Variants in FRMD4A observed in about 807,000 individuals in gnomAD.
FRMD4A encodes FERM domain-containing protein 4A.
In FRMD4A, 29 loss-of-function variants were observed where a neutral mutation model predicts 129.1. That is an observed-to-expected ratio of 0.22 (90% CI 0.17 to 0.31). The LOEUF (loss-of-function observed/expected upper bound fraction) is 0.31. Ranked by LOEUF, FRMD4A falls within the 10% of genes least tolerant of loss-of-function variation. FRMD4A has a pLI of 1.00. For missense variants in FRMD4A, 1,272 were observed against 1,375.8 expected, an observed-to-expected ratio of 0.92 and a Z score of 1.19; for synonymous variants, 634 against 571.6, an observed-to-expected ratio of 1.11 and a Z score of -1.56.
At chr10:13,882,516 T>C (rs2094558845) in intron 2 of FRMD4A, among the ~76,000 whole-genome samples, 1 of 152,166 alleles carries the variant, frequency 6.6e-6, no homozygotes, top group Non-Finnish European at 1.5e-5. Flanking sequence ...AGCTCTGGAA[T>C]CCTACCCAGT....
chr10:13,891,863 G>A (rs2094702127), intron 2 of FRMD4A: 1 of 457,474 alleles, frequency 2.2e-6, no homozygotes, highest in South Asian at 9.2e-5. Flanking sequence ...AGTGAGCCCC[G>A]CCGCCGGCCC....
At chr10:13,703,511 G>A (rs1295441742) in intron 13 of FRMD4A, among the ~76,000 whole-genome samples, 1 of 152,110 alleles carries the variant, frequency 6.6e-6, no homozygotes, top group African/African-American at 2.4e-5. Context: ...CATTCCCATC[G>A]ATTACATCTT....
chr10:13,846,478 T>C (rs2094047693), intron 3 of FRMD4A, among the ~76,000 whole-genome samples: 3 of 152,216 alleles, frequency 2.0e-5, no homozygotes, highest in Admixed American at 2.0e-4. Context: ...ACCTTCTCCA[T>C]GTGCTGATAT....
Position 14,261,986 on chromosome 10 carries a change from A to ACACC in FRMD4A, c.45+68071_45+68072insGGTG, listed in dbSNP as rs1491315574. Among the ~76,000 whole-genome samples, 270 of 139,186 alleles carry ACACC rather than the reference A, an allele frequency of 1.9e-3. 1 individual carries two copies. Among genetic ancestry groups the ACACC allele is most frequent in the Non-Finnish European group, 2.7e-3 (169 of 63,702 alleles). The allele number at this position is 139,186 out of a possible 152,430, so 91.3% of individuals were successfully genotyped here. A position where few individuals can be genotyped will look rare whatever the true frequency, so the allele number is the denominator to read the frequency against. ...CACACACACACACACACACACACAC[A>ACACC]CCTCATTTTCCCTAGTTCCCCTCTC... On this transcript the variant is annotated intron_variant, in intron 2 of 24. Transcript: ENST00000357447.
At chr10:14,253,953 C>T (rs551528298) in intron 2 of FRMD4A, among the ~76,000 whole-genome samples, 1 of 152,292 alleles carries the variant, frequency 6.6e-6, no homozygotes, top group South Asian at 2.1e-4. Flanking sequence ...CCTTTCGACA[C>T]CTCCAGCTTG....
chr10:14,023,464 G>GTAA, intron 2 of FRMD4A, among the ~76,000 whole-genome samples: 1 of 152,340 alleles, frequency 6.6e-6, no homozygotes, highest in East Asian at 1.9e-4. Context: ...GCTGCGAGAC[G>GTAA]CAGACTGGCG....
intron 2 of FRMD4A, among the ~76,000 whole-genome samples, chr10:14,182,008 G>A (rs1841930068): frequency 6.6e-6 from 1 of 152,122 alleles, no homozygotes; most frequent in South Asian, 2.1e-4. Context: ...ATCTTTTCTT[G>A]ATATTTCTGT....
At chr10:14,171,148 A>C (rs10906621) in intron 2 of FRMD4A, among the ~76,000 whole-genome samples, 4 of 151,912 alleles carry the variant, frequency 2.6e-5, no homozygotes, top group Non-Finnish European at 5.9e-5. Context: ...AAATTCACGG[A>C]CATGATTGAT....
At chr10:14,019,054 G>C (rs554848294) in intron 2 of FRMD4A, among the ~76,000 whole-genome samples, 24 of 152,250 alleles carry the variant, frequency 1.6e-4, no homozygotes, top group African/African-American at 5.5e-4. Flanking sequence ...TGTTAGAAGG[G>C]AATATGAATT....
chr10:13,901,065 G>T (rs1286144715), intron 2 of FRMD4A, among the ~76,000 whole-genome samples: 2 of 152,192 alleles, frequency 1.3e-5, no homozygotes, highest in African/African-American at 4.8e-5. Flanking sequence ...TGGAAACACA[G>T]GGAGAGGTGT....
intron 2 of FRMD4A, among the ~76,000 whole-genome samples, chr10:14,141,813 A>C (rs201081896): frequency 1.5e-5 from 2 of 135,702 alleles, no homozygotes; most frequent in African/African-American, 5.0e-5. Context: ...GTACGTGTGC[A>C]CATGTGTGTG....
Position 13,959,851 on chromosome 10 carries a change from C to T in FRMD4A, c.46-100939G>A, listed in dbSNP as rs561102734. ...CTGAGTATCAACAGGCACTTCCCCT[C>T]GCTCTGAAAATGCTTGGGGGCATCC... On this transcript the variant is annotated intron_variant, in intron 2 of 24. Transcript: ENST00000357447. Among the ~76,000 whole-genome samples, 546 of 152,310 alleles carry T rather than the reference C, an allele frequency of 3.6e-3. 7 individuals are homozygous for T. The highest frequency in any genetic ancestry group is 0.012 in the African/African-American group (517 of 41,566).
chr10:13,667,452 CAG>C (rs2083150679), intron 17 of FRMD4A: 1 of 151,776 alleles, frequency 6.6e-6, no homozygotes, highest in African/African-American at 2.4e-5. Flanking sequence ...AGATTCTCCT[CAG>C]AGTTTTGGGA....
intron 4 of FRMD4A, among the ~76,000 whole-genome samples, chr10:13,803,314 T>C (rs1404074500): frequency 6.6e-6 from 1 of 152,190 alleles, no homozygotes; most frequent in African/African-American, 2.4e-5. Context: ...AGTAAGCCTA[T>C]TCCAAATTTT....
intron 2 of FRMD4A, among the ~76,000 whole-genome samples, chr10:14,174,659 GAAAGCTGA>G (rs145881508): frequency 0.014 from 2,164 of 152,304 alleles, 44 homozygotes; most frequent in African/African-American, 0.05. Context: ...TCTGTGTACA[GAAAGCTGA>G]AAAAGAAATC....
intron 4 of FRMD4A, among the ~76,000 whole-genome samples, chr10:13,804,344 G>A (rs1312044039): frequency 6.6e-6 from 1 of 152,114 alleles, no homozygotes; most frequent in African/African-American, 2.4e-5. Flanking sequence ...TTTTTAAATT[G>A]TAGATAAGCT....
chr10:13,902,727 C>T, intron 2 of FRMD4A, among the ~76,000 whole-genome samples: 1 of 151,646 alleles, frequency 6.6e-6, no homozygotes. Flanking sequence ...GTAATCCCAG[C>T]TACTTGGGAG....
intron 2 of FRMD4A, among the ~76,000 whole-genome samples, chr10:14,076,708 C>T (rs12783048): frequency 0.014 from 2,175 of 152,262 alleles, 21 homozygotes; most frequent in Non-Finnish European, 0.022. Flanking sequence ...AAAGGGTCAA[C>T]GTGGAAAAAC....
intron 2 of FRMD4A, among the ~76,000 whole-genome samples, chr10:14,091,804 G>T (rs1836677548): frequency 6.6e-6 from 1 of 152,158 alleles, no homozygotes; most frequent in Admixed American, 6.5e-5. Flanking sequence ...ATAGAAGCTT[G>T]GCACTTATTT....
Sources: allele counts gnomAD v4.1 joint callset (sites outside exome capture counted in the v4.1 genomes callset), GRCh38; gene constraint gnomAD v4.1.1; transcripts MANE v1.5; gene names NCBI Gene and HGNC (gene_info 2026-07-23, HGNC 2026-07-21).